Variants in MEOX2 observed in about 807,000 individuals in gnomAD.
MEOX2 encodes mesenchyme homeobox 2.
MEOX2 carries 11 observed loss-of-function variants against 27.0 expected under a neutral mutation model. The observed-to-expected ratio is 0.41, with a 90% CI of 0.26 to 0.68. The LOEUF is 0.68. MEOX2 is among the 30% of genes least tolerant of loss of function. The probability of loss-of-function intolerance (pLI) is 0.33; values close to 1 mark genes in which losing one functional copy is unlikely to be tolerated. For missense variants in MEOX2, 436 were observed against 385.4 expected (o/e 1.13, Z -1.10); for synonymous variants, 189 against 155.4 (o/e 1.22, Z -1.61).
chr7:15,619,183 C>A (rs903395447), intron 2 of MEOX2, among the ~76,000 whole-genome samples: 1 of 151,972 alleles, frequency 6.6e-6, no homozygotes, highest in Non-Finnish European at 1.5e-5. Context: ...ACAATGCCAA[C>A]ACAAAACTTG....
At chr7:15,672,923 G>A (rs939940409) in intron 1 of MEOX2, among the ~76,000 whole-genome samples, 20 of 151,080 alleles carry the variant, frequency 1.3e-4, no homozygotes, top group African/African-American at 4.9e-4. Context: ...AAAAAAGAAA[G>A]TATCCATAAA....
At chr7:15,632,272 T>A (rs943689026) in intron 1 of MEOX2, among the ~76,000 whole-genome samples, 1 of 151,820 alleles carries the variant, frequency 6.6e-6, no homozygotes, top group Non-Finnish European at 1.5e-5. Flanking sequence ...AGGTGCATAG[T>A]ACATAACTCA....
intron 1 of MEOX2, among the ~76,000 whole-genome samples, chr7:15,646,466 T>C (rs1241220019): frequency 3.3e-5 from 5 of 152,038 alleles, no homozygotes; most frequent in East Asian, 1.9e-4. Context: ...CTTTGTAACA[T>C]ACAAAAGTTC....
chr7:15,680,870 T>C (rs1782281946), intron 1 of MEOX2: 1 of 151,888 alleles, frequency 6.6e-6, no homozygotes, highest in Non-Finnish European at 1.5e-5. Context: ...TTTTTTGCTT[T>C]TGATTTTAAC....
chr7:15,642,114 TTGCAGGTATTCCC>T (rs1350145262), intron 1 of MEOX2, among the ~76,000 whole-genome samples: 5 of 152,192 alleles, frequency 3.3e-5, no homozygotes, highest in Non-Finnish European at 7.3e-5. Context: ...GTATGGCATC[TTGCAGGTATTCCC>T]TGCATTTCTA....
intron 2 of MEOX2, among the ~76,000 whole-genome samples, chr7:15,620,731 A>G (rs189978019): frequency 6.6e-6 from 1 of 152,234 alleles, no homozygotes; most frequent in Admixed American, 6.5e-5. Context: ...AAAACAAAAC[A>G]TAATCCCTCT....
intron 2 of MEOX2, among the ~76,000 whole-genome samples, chr7:15,621,992 C>T (rs900339383): frequency 6.6e-6 from 1 of 151,986 alleles, no homozygotes; most frequent in Non-Finnish European, 1.5e-5. Context: ...GTAGCAGGTG[C>T]CTGTAATCCC....
At chr7:15,620,800 A>G (rs980322740) in intron 2 of MEOX2, among the ~76,000 whole-genome samples, 3 of 152,204 alleles carry the variant, frequency 2.0e-5, no homozygotes, top group African/African-American at 7.2e-5. Flanking sequence ...TCTTGGCAGA[A>G]GTATCATTAA....
intron 1 of MEOX2, among the ~76,000 whole-genome samples, chr7:15,649,539 A>C (rs1781703847): frequency 6.6e-6 from 1 of 152,076 alleles, no homozygotes. Context: ...ATGGCAGAAA[A>C]GAGCTTTCCA....
chr7:15,649,243 G>A (rs140055891), intron 1 of MEOX2, among the ~76,000 whole-genome samples: 1 of 151,976 alleles, frequency 6.6e-6, no homozygotes, highest in East Asian at 1.9e-4. Flanking sequence ...ACAATGCAAG[G>A]TATTGTTTTA....
intron 2 of MEOX2, among the ~76,000 whole-genome samples, chr7:15,622,744 C>G (rs1259767593): frequency 6.6e-6 from 1 of 152,106 alleles, no homozygotes. Context: ...AATAGCCATG[C>G]TATGGTCTAA....
chr7:15,681,475 T>C (rs1782290786), intron 1 of MEOX2: 1 of 146,532 alleles, frequency 6.8e-6, no homozygotes, highest in Non-Finnish European at 1.5e-5. Flanking sequence ...ATTTCTTAAG[T>C]GCAAAAAAAA....
intron 1 of MEOX2, chr7:15,680,089 T>C (rs1435532154): frequency 4.6e-5 from 7 of 151,824 alleles, no homozygotes; most frequent in East Asian, 3.9e-4. Context: ...ATTTCAAATA[T>C]AGAGGAAAAT....
intron 1 of MEOX2, chr7:15,679,602 AAT>A (rs1382789281): frequency 3.3e-5 from 5 of 152,116 alleles, no homozygotes; most frequent in Non-Finnish European, 5.9e-5. Context: ...ACCTAGTAAA[AAT>A]ATGTTATATT....
chr7:15,613,322 T>A (rs952874582), intron 2 of MEOX2, among the ~76,000 whole-genome samples: 8 of 151,700 alleles, frequency 5.3e-5, no homozygotes, highest in African/African-American at 1.9e-4. Flanking sequence ...ATTTTCTTTT[T>A]AAAAGCTTCA....
At chr7:15,673,542 A>C (rs1782139831) in intron 1 of MEOX2, among the ~76,000 whole-genome samples, 2 of 146,310 alleles carry the variant, frequency 1.4e-5, no homozygotes, top group Admixed American at 1.4e-4. Flanking sequence ...ATTTACAATT[A>C]CCTCAAAATA....
rs192539575 is a variant in MEOX2 at position 15,655,082 on chromosome 7, T to G, written c.518-28164A>C. On this transcript the variant is annotated intron_variant, in intron 1 of 2. Coordinates refer to ENST00000262041, the MANE Select transcript of MEOX2 (RefSeq NM_005924.5). ...AAATAAATTTAGAACTATTCAAAAA[T>G]TTTTTTCATATTGGGTGAATTGCAC... is the stretch of plus-strand genomic sequence containing the variant. 2.0e-5 allele frequency among the ~76,000 whole-genome samples: 3 copies of G among 151,784 alleles called. No individual in the cohort carries two copies. In the South Asian group the frequency reaches 6.2e-4, roughly 31 times the overall value.
intron 1 of MEOX2, among the ~76,000 whole-genome samples, chr7:15,663,697 A>C: frequency 6.6e-6 from 1 of 152,198 alleles, no homozygotes; most frequent in East Asian, 1.9e-4. Context: ...AAAGACAAAA[A>C]TAACATGCAA....
chr7:15,677,065 C>T (rs1019612581), intron 1 of MEOX2, among the ~76,000 whole-genome samples: 2 of 152,100 alleles, frequency 1.3e-5, no homozygotes. Context: ...ATTCACCTTA[C>T]ATTTCAGGGA....
Sources: gnomAD v4.1 joint callset for allele counts (sites outside exome capture counted in the v4.1 genomes callset) on GRCh38, gnomAD v4.1.1 for gene constraint, MANE v1.5 for transcripts, NCBI Gene and HGNC (gene_info 2026-07-23, HGNC 2026-07-21) for gene names.